The following CDH8 variants were observed in gnomAD, a reference collection of about 807,000 sequenced individuals.
The protein encoded by CDH8 is cadherin-8.
CDH8 carries 17 observed loss-of-function variants against 68.1 expected under a neutral mutation model. The ratio of observed to expected loss-of-function variants is 0.25; its 90% CI spans 0.17 to 0.37. The LOEUF (loss-of-function observed/expected upper bound fraction) is 0.37. Ranked by LOEUF, CDH8 falls within the 10% of genes least tolerant of loss-of-function variation. The pLI is 1.00. For missense variants in CDH8, 763 were observed against 999.3 expected, an observed-to-expected ratio of 0.76 and a Z score of 3.19; for synonymous variants, 372 against 365.1, an observed-to-expected ratio of 1.02 and a Z score of -0.21.
chr16:62,017,660 G>A (rs907750989), intron 2 of CDH8, among the ~76,000 whole-genome samples: 5 of 152,116 alleles, frequency 3.3e-5, no homozygotes, highest in African/African-American at 9.7e-5. Context: ...GAGTGACAGA[G>A]CAAGACCTTA....
At chr16:61,927,603 A>G (rs1268060799) in intron 2 of CDH8, among the ~76,000 whole-genome samples, 8 of 152,230 alleles carry the variant, frequency 5.3e-5, no homozygotes, top group Non-Finnish European at 1.0e-4. Flanking sequence ...CACTAGTTCC[A>G]TGACTCAAAA....
intron 7 of CDH8, among the ~76,000 whole-genome samples, chr16:61,811,052 G>A (rs902424383): frequency 2.0e-5 from 3 of 149,714 alleles, no homozygotes; most frequent in Admixed American, 6.7e-5. Flanking sequence ...AAGAAGACTA[G>A]TTAGATAACT....
At chr16:61,888,502 T>G (rs1267999009) in intron 3 of CDH8, among the ~76,000 whole-genome samples, 1 of 152,188 alleles carries the variant, frequency 6.6e-6, no homozygotes, top group Non-Finnish European at 1.5e-5. Context: ...TTACTGGTTC[T>G]GACTTTCTGA....
In CDH8 at chr16:61,917,215, G is replaced by A. The variant is rs557876091; in HGVS notation, c.253-15742C>T. ...CTGGCTGAGTTTTAGTCATCTATAG[G>A]TAAGGTTTTTTTAAAATACCTGGTC... On this transcript the variant is annotated intron_variant, in intron 2 of 11. Transcript: ENST00000577390. Among the ~76,000 whole-genome samples, 6 of 133,764 alleles carry A rather than the reference G, an allele frequency of 4.5e-5. No individual in the cohort carries two copies. The South Asian group carries it at 1.2e-3, about 26-fold the overall frequency. 87.8% of individuals were successfully genotyped at this position (133,764 alleles called of 152,430 possible).
chr16:61,940,780 G>T (rs1241333019), intron 2 of CDH8: 1 of 152,212 alleles, frequency 6.6e-6, no homozygotes, highest in African/African-American at 2.4e-5. Context: ...ATGTAATCAT[G>T]TCTGGCTGAC....
chr16:61,885,062 G>C (rs1963648698), intron 3 of CDH8, among the ~76,000 whole-genome samples: 1 of 152,202 alleles, frequency 6.6e-6, no homozygotes, highest in African/African-American at 2.4e-5. Context: ...TAAATGTCCT[G>C]TAATTTTGGT....
intron 4 of CDH8, among the ~76,000 whole-genome samples, chr16:61,831,436 T>A (rs1962452259): frequency 6.6e-6 from 1 of 151,804 alleles, no homozygotes; most frequent in South Asian, 2.1e-4. Context: ...TTCAATCAAA[T>A]GGAGATTTTC....
intron 1 of CDH8, among the ~76,000 whole-genome samples, chr16:62,025,776 T>C (rs1287905153): frequency 6.6e-6 from 1 of 152,082 alleles, no homozygotes; most frequent in Non-Finnish European, 1.5e-5. Context: ...AATTACGAGG[T>C]TAATAGCAAA....
intron 8 of CDH8, among the ~76,000 whole-genome samples, chr16:61,731,556 G>C (rs1239972796): frequency 6.6e-6 from 1 of 151,692 alleles, no homozygotes; most frequent in Non-Finnish European, 1.5e-5. Flanking sequence ...TACCTCTGGA[G>C]AAGTAAGATC....
chr16:61,986,998 A>G (rs1056131956), intron 2 of CDH8, among the ~76,000 whole-genome samples: 1 of 152,230 alleles, frequency 6.6e-6, no homozygotes, highest in Non-Finnish European at 1.5e-5. Context: ...ACGACTTAAG[A>G]TTAAGCATTC....
chr16:62,011,514 T>G (rs780077045), intron 2 of CDH8, among the ~76,000 whole-genome samples: 8 of 152,182 alleles, frequency 5.3e-5, no homozygotes, highest in African/African-American at 1.9e-4. Context: ...TTTTTAAAAT[T>G]GGGTGGTATT....
At chr16:61,889,067 G>A (rs1381894437) in intron 3 of CDH8, among the ~76,000 whole-genome samples, 2 of 152,164 alleles carry the variant, frequency 1.3e-5, no homozygotes, top group African/African-American at 2.4e-5. Flanking sequence ...GATGAAAACT[G>A]ATTCCCTTAG....
At chr16:61,876,492 A>G (rs1392876609) in intron 3 of CDH8, among the ~76,000 whole-genome samples, 1 of 152,146 alleles carries the variant, frequency 6.6e-6, no homozygotes, top group African/African-American at 2.4e-5. Context: ...GACTAATGCC[A>G]AGACCCCTGG....
intron 8 of CDH8, among the ~76,000 whole-genome samples, chr16:61,732,672 C>CA (rs1959568940): frequency 6.6e-6 from 1 of 151,412 alleles, no homozygotes. Context: ...AATTCTAATC[C>CA]AAACGAAAAA....
rs187674297 is a variant in CDH8 at position 61,969,517 on chromosome 16, C to T, written c.252+51635G>A. Among the ~76,000 whole-genome samples, 145 of 152,334 alleles carry T rather than the reference C, an allele frequency of 9.5e-4. 1 individual carries two copies. Among genetic ancestry groups the T allele is most frequent in the African/African-American group, 3.3e-3 (139 of 41,570 alleles). On this transcript the variant is annotated intron_variant, in intron 2 of 11. Transcript: ENST00000577390. ...CTTCCGATGCCTCTCCCAGCTCTAACAGACTATTTCGGTCAGTATCAGACA... is the reference window on the plus strand; with the variant it reads ...CTTCCGATGCCTCTCCCAGCTCTAATAGACTATTTCGGTCAGTATCAGACA...
intron 1 of CDH8, among the ~76,000 whole-genome samples, chr16:62,025,879 A>G (rs1902187296): frequency 1.7e-5 from 2 of 121,112 alleles, no homozygotes. Context: ...TCAAAATAAT[A>G]TAATATTATT....
chr16:61,691,940 T>C (rs1964232562), intron 10 of CDH8: 2 of 152,140 alleles, frequency 1.3e-5, no homozygotes, highest in Non-Finnish European at 2.9e-5. Context: ...GGGAAATACA[T>C]CATTATCCAC....
chr16:61,685,159 T>G (rs1964083528), intron 10 of CDH8, among the ~76,000 whole-genome samples: 1 of 151,106 alleles, frequency 6.6e-6, no homozygotes, highest in East Asian at 1.9e-4. Flanking sequence ...GAAAAGGCAT[T>G]GTTTTCTCTA....
At chr16:61,822,300 C>T (rs192981887) in intron 5 of CDH8, among the ~76,000 whole-genome samples, 5 of 133,530 alleles carry the variant, frequency 3.7e-5, no homozygotes, top group East Asian at 4.8e-4. Flanking sequence ...TTTATTGGTC[C>T]CATCTCCGAG....
Sources: gnomAD v4.1 joint callset for allele counts (sites outside exome capture counted in the v4.1 genomes callset) on GRCh38, gnomAD v4.1.1 for gene constraint, MANE v1.5 for transcripts, NCBI Gene and HGNC (gene_info 2026-07-23, HGNC 2026-07-21) for gene names.